NTNG1: variants seen among roughly 807,000 people sequenced by gnomAD.
The protein encoded by NTNG1 is netrin-G1.
Under a neutral mutation model 54.0 loss-of-function variants are expected in NTNG1, and 16 were observed. The observed-to-expected ratio is 0.30, with a 90% confidence interval of 0.20 to 0.45. NTNG1 has a LOEUF of 0.45. Among genes scored for constraint, NTNG1 ranks in the 20% least tolerant of loss-of-function variants. The pLI is 1.00. For synonymous variants in NTNG1, 255 were observed against 263.1 expected (o/e 0.97, Z 0.30); for missense variants, 530 against 678.7 (o/e 0.78, Z 2.43).
intron 7 of NTNG1, among the ~76,000 whole-genome samples, chr1:107,437,889 A>G (rs1675705753): frequency 6.6e-6 from 1 of 152,182 alleles, no homozygotes; most frequent in African/African-American, 2.4e-5. Flanking sequence ...TGTGTCTACC[A>G]TATTGGACAG....
At chr1:107,140,582 C>T (rs1239014091), upstream of NTNG1, among the ~76,000 whole-genome samples, 1 of 151,830 alleles carries the variant, frequency 6.6e-6, no homozygotes, top group Non-Finnish European at 1.5e-5. Context: ...GAAACCCGGG[C>T]GAAATTGGTA....
intron 4 of NTNG1, among the ~76,000 whole-genome samples, chr1:107,397,930 G>C (rs1217556222): frequency 1.3e-5 from 2 of 151,878 alleles, no homozygotes; most frequent in African/African-American, 2.4e-5. Context: ...GCAGTTTTAT[G>C]ATTCTCACTT....
At chr1:107,431,323 G>A (rs944146513) in intron 6 of NTNG1, among the ~76,000 whole-genome samples, 1 of 151,940 alleles carries the variant, frequency 6.6e-6, no homozygotes, top group East Asian at 1.9e-4. Context: ...GAAAAATTAG[G>A]GTACAGATTC....
At chr1:107,247,623 C>T (rs1662289200) in intron 2 of NTNG1, among the ~76,000 whole-genome samples, 1 of 152,184 alleles carries the variant, frequency 6.6e-6, no homozygotes, top group South Asian at 2.1e-4. Context: ...CCCTCCCCTC[C>T]AGATAACATG....
intron 2 of NTNG1, among the ~76,000 whole-genome samples, chr1:107,180,445 G>C (rs1656982784): frequency 6.6e-6 from 1 of 152,042 alleles, no homozygotes; most frequent in Non-Finnish European, 1.5e-5. Flanking sequence ...GCATTTAAGT[G>C]AAATAAAAGT....
At chr1:107,308,800 C>T (rs999308217) in intron 2 of NTNG1, among the ~76,000 whole-genome samples, 6 of 151,822 alleles carry the variant, frequency 4.0e-5, no homozygotes, top group Admixed American at 2.6e-4. Context: ...AATGTTTTTC[C>T]ACTTCTTTGA....
intron 2 of NTNG1, among the ~76,000 whole-genome samples, chr1:107,169,030 C>T (rs1370094602): frequency 6.6e-6 from 1 of 152,114 alleles, no homozygotes; most frequent in African/African-American, 2.4e-5. Context: ...TCTGTAAATG[C>T]ATTATTTGAC....
chr1:107,350,608 T>C (rs1042338253), intron 3 of NTNG1, among the ~76,000 whole-genome samples: 2 of 152,272 alleles, frequency 1.3e-5, no homozygotes, highest in East Asian at 1.9e-4. Flanking sequence ...CATTGACAGA[T>C]GAATGGATAA....
intron 2 of NTNG1, among the ~76,000 whole-genome samples, chr1:107,172,862 T>C (rs932847900): frequency 2.6e-5 from 4 of 152,186 alleles, no homozygotes; most frequent in Non-Finnish European, 4.4e-5. Flanking sequence ...AATCTTGTGA[T>C]AGAAGAAAGT....
At chr1:107,471,929 G>A (rs1197682452) in intron 7 of NTNG1, among the ~76,000 whole-genome samples, 2 of 152,172 alleles carry the variant, frequency 1.3e-5, no homozygotes, top group South Asian at 4.1e-4. Flanking sequence ...AGTATACTTA[G>A]GTTGTGTTTT....
intron 2 of NTNG1, among the ~76,000 whole-genome samples, chr1:107,281,049 G>C (rs1664825338): frequency 6.6e-6 from 1 of 152,022 alleles, no homozygotes; most frequent in East Asian, 1.9e-4. Flanking sequence ...CTCCAGCCAA[G>C]AGCCTGCAGC....
At chr1:107,363,941 G>A (rs1416779376) in intron 3 of NTNG1, among the ~76,000 whole-genome samples, 1 of 152,068 alleles carries the variant, frequency 6.6e-6, no homozygotes. Context: ...TAACATTTGG[G>A]GGAAAAAGAA....
At chr1:107,300,326 G>T (rs897283393) in intron 2 of NTNG1, among the ~76,000 whole-genome samples, 14 of 152,102 alleles carry the variant, frequency 9.2e-5, no homozygotes, top group Non-Finnish European at 1.9e-4. Context: ...CTAAAATCTG[G>T]ATTTTTGCAG....
intron 3 of NTNG1, among the ~76,000 whole-genome samples, chr1:107,337,232 GA>G (rs1484962989): frequency 6.6e-6 from 1 of 152,002 alleles, no homozygotes; most frequent in African/African-American, 2.4e-5. Flanking sequence ...TGGATCAGCG[GA>G]AAACCAAAAT....
chr1:107,480,164 T>G (rs1057166643), intron 7 of NTNG1, among the ~76,000 whole-genome samples: 2 of 151,610 alleles, frequency 1.3e-5, no homozygotes, highest in African/African-American at 4.9e-5. Flanking sequence ...GGCCCACCCC[T>G]TAGAGGTTTT....
At chr1:107,187,549 G>A (rs1453374003) in intron 2 of NTNG1, among the ~76,000 whole-genome samples, 2 of 152,152 alleles carry the variant, frequency 1.3e-5, no homozygotes, top group African/African-American at 4.8e-5. Flanking sequence ...TGGTTTCCTA[G>A]CAGGATAGGG....
intron 7 of NTNG1, among the ~76,000 whole-genome samples, chr1:107,473,733 A>G (rs1678131527): frequency 6.6e-6 from 1 of 152,252 alleles, no homozygotes; most frequent in Non-Finnish European, 1.5e-5. Context: ...ATGTTTTTGT[A>G]AACTCATGGC....
At chr1:107,374,116 G>C (rs2101002804) in intron 3 of NTNG1, among the ~76,000 whole-genome samples, 1 of 152,142 alleles carries the variant, frequency 6.6e-6, no homozygotes, top group East Asian at 1.9e-4. Flanking sequence ...CACTTGGATT[G>C]TTTTCAAAAA....
At chr1:107,268,965 A>G (rs771982166) in intron 2 of NTNG1, among the ~76,000 whole-genome samples, 4 of 152,134 alleles carry the variant, frequency 2.6e-5, no homozygotes. Flanking sequence ...GACGTAATCT[A>G]TCTGGTCTGT....
Sources: gnomAD v4.1 joint callset for allele counts (sites outside exome capture counted in the v4.1 genomes callset) on GRCh38, gnomAD v4.1.1 for gene constraint, MANE v1.5 for transcripts, NCBI Gene and HGNC (gene_info 2026-07-23, HGNC 2026-07-21) for gene names.